The following DHDDS variants were observed in gnomAD, a reference collection of about 807,000 sequenced individuals.
DHDDS encodes dehydrodolichyl diphosphate synthase complex subunit DHDDS.
Under a neutral mutation model 46.2 loss-of-function variants are expected in DHDDS, and 16 were observed. That is an observed-to-expected ratio of 0.35 (90% CI 0.23 to 0.53). The LOEUF (loss-of-function observed/expected upper bound fraction) is 0.53, where lower values mean the gene tolerates loss of function less well. Ranked by LOEUF, DHDDS falls within the 20% of genes least tolerant of loss-of-function variation. The probability of loss-of-function intolerance (pLI) is 0.94; values close to 1 mark genes in which losing one functional copy is unlikely to be tolerated. For synonymous variants in DHDDS, 151 were observed against 163.1 expected (o/e 0.93, Z 0.56); for missense variants, 340 against 423.7 (o/e 0.80, Z 1.73).
intron 6 of DHDDS, among the ~76,000 whole-genome samples, chr1:26,454,315 A>G (rs923217966): frequency 6.6e-6 from 1 of 152,044 alleles, no homozygotes; most frequent in Non-Finnish European, 1.5e-5. Flanking sequence ...CACTGGCACA[A>G]TATCAGCTTT....
rs71581065 is a variant in DHDDS, at chr1:26,441,895, TAA to T, written c.181-818_181-817del. Among the ~76,000 whole-genome samples, 650 of 123,798 alleles carry T rather than the reference TAA, an allele frequency of 5.3e-3. 2 individuals carry two copies. Among genetic ancestry groups the T allele is most frequent in the African/African-American group, 0.017 (569 of 32,672 alleles). 81.2% of individuals were successfully genotyped at this position (123,798 alleles called of 152,430 possible). On this transcript the variant is annotated intron_variant, in intron 3 of 8. Transcript: ENST00000236342. ...TGGGTGACAGAGCAAGACTCCAGCT[TAA>T]AAAAAAAAAAAAAAAAAGATGTAGG...
intron 2 of DHDDS, among the ~76,000 whole-genome samples, chr1:26,435,526 C>T (rs940588047): frequency 2.0e-5 from 3 of 150,542 alleles, no homozygotes; most frequent in Non-Finnish European, 3.0e-5. Context: ...CAACCTCTGC[C>T]TCCCGGGTTC....
intron 8 of DHDDS, chr1:26,467,583 T>C: frequency 3.3e-6 from 1 of 302,776 alleles, no homozygotes; most frequent in Non-Finnish European, 7.0e-6. Context: ...CACAGCTCCA[T>C]TGTGAGGGTC....
chr1:26,435,215 T>C (rs2075141986), intron 2 of DHDDS, among the ~76,000 whole-genome samples: 1 of 151,568 alleles, frequency 6.6e-6, no homozygotes, highest in South Asian at 2.1e-4. Flanking sequence ...TTTCACCATT[T>C]TGGCCAGGCT....
At position 26,446,687 on chromosome 1, in the gene DHDDS, A is replaced by AGTGTGT. The variant is rs138481581; in HGVS notation, c.440+271_440+276dup. 2.6e-3 allele frequency among the ~76,000 whole-genome samples: 393 copies of AGTGTGT among 149,106 alleles called. 1 individual carries two copies. The highest frequency in any genetic ancestry group is 7.3e-3 in the African/African-American group (297 of 40,758). On this transcript the variant is annotated intron_variant, in intron 5 of 8. Transcript: ENST00000236342. ...TTCTCTGCCCAGCCCCCACCAAATA[A>AGTGTGT]GTGTGTGTGTGTGTGTGTGTGGGTG... is the stretch of plus-strand genomic sequence containing the variant.
At chr1:26,447,717 GGC>G in intron 6 of DHDDS, 57 bp downstream of exon 6, 1 of 1,480,160 alleles carries the variant, frequency 6.8e-7, no homozygotes, top group Admixed American at 1.7e-5. Context: ...GGGCCAGCAT[GGC>G]AGCTCACGCC....
intron 3 of DHDDS, among the ~76,000 whole-genome samples, chr1:26,440,818 C>A (rs963581666): frequency 2.0e-5 from 3 of 152,130 alleles, no homozygotes; most frequent in Admixed American, 1.3e-4. Flanking sequence ...CTGTTGTCTA[C>A]GTTTAACCTC....
In DHDDS at chr1:26,470,936, AAT is replaced by A. The variant is rs1231170602; in HGVS notation, c.*1808_*1809del. 6.6e-6 allele frequency: 1 copy of A among 152,562 alleles called. No individual in the cohort carries two copies. The highest frequency in any genetic ancestry group is 1.5e-5 in the Non-Finnish European group (1 of 68,118). The allele number at this position is 152,562 out of a possible 1,614,324, so 9.5% of individuals were successfully genotyped here. A position where few individuals can be genotyped will look rare whatever the true frequency, so the allele number is the denominator to read the frequency against. On this transcript the variant is annotated 3_prime_UTR_variant, in exon 9 of 9. Transcript: ENST00000236342. ...CTGTCTCCTGGGTCTGACTTTCCGT[AAT>A]ATGATTGGGGTACAGTAGAGGTGAT...
intron 3 of DHDDS, among the ~76,000 whole-genome samples, chr1:26,441,158 C>T (rs1181050053): frequency 1.3e-5 from 2 of 151,848 alleles, no homozygotes; most frequent in Non-Finnish European, 2.9e-5. Context: ...CTCCTGACCT[C>T]GTGATCCGCC....
intron 6 of DHDDS, among the ~76,000 whole-genome samples, chr1:26,452,318 C>A (rs565859717): frequency 1.3e-5 from 2 of 152,304 alleles, no homozygotes; most frequent in South Asian, 4.1e-4. Context: ...GCTGGGATTA[C>A]AGGTTTGAAC....
At chr1:26,441,053 T>G (rs979755307) in intron 3 of DHDDS, among the ~76,000 whole-genome samples, 4 of 151,820 alleles carry the variant, frequency 2.6e-5, no homozygotes, top group Non-Finnish European at 4.4e-5. Flanking sequence ...GCCTCCTGAG[T>G]AACTGGGATT....
At position 26,460,024 on chromosome 1, in the gene DHDDS, C is replaced by T. The variant is rs2075406556; in HGVS notation, c.658-13C>T. On this transcript the variant is annotated splice_polypyrimidine_tract_variant and intron_variant, in intron 7 of 8. Transcript: ENST00000236342. ...ATGTTACTAAATCATACTCTCCTCCCTACCTTTCCCAGACCTCTCACTCCT... is the reference window on the plus strand; with the variant it reads ...ATGTTACTAAATCATACTCTCCTCCTTACCTTTCCCAGACCTCTCACTCCT... 1.2e-6 allele frequency: 2 copies of T among 1,607,274 alleles called. No individual in the cohort carries two copies. Among genetic ancestry groups the T allele is most frequent in the Non-Finnish European group, 1.7e-6 (2 of 1,173,776 alleles).
chr1:26,442,648 T>G (rs1311253946), intron 3 of DHDDS, 83 bp from the exon 4 acceptor site: 2 of 1,564,570 alleles, frequency 1.3e-6, no homozygotes, highest in African/African-American at 2.7e-5. Context: ...TATCTCCAAC[T>G]CTGAGTCAGG....
intron 8 of DHDDS, 50 bp from the exon 9 acceptor site, chr1:26,468,845 C>T: frequency 6.2e-7 from 1 of 1,609,938 alleles, no homozygotes; most frequent in South Asian, 1.1e-5. Context: ...CCAGTTTCAC[C>T]CACTCCTAAA....
intron 6 of DHDDS, among the ~76,000 whole-genome samples, chr1:26,452,986 G>A: frequency 6.6e-6 from 1 of 151,998 alleles, no homozygotes; most frequent in East Asian, 1.9e-4. Context: ...TAGCTACTTG[G>A]GAGGCTGAGT....
Position 26,446,387 on chromosome 1 carries a change from A to G in DHDDS, c.395A>G (p.Gln132Arg). 6.2e-7 allele frequency: 1 copy of G among 1,614,052 alleles called. No homozygotes were observed. Among genetic ancestry groups the G allele is most frequent in the East Asian group, 2.2e-5 (1 of 44,884 alleles). The change falls in exon 5 of 9, where the codon CAG (glutamine) becomes CGG (arginine). Residue 132 changes from glutamine to arginine, a missense_variant. By Grantham distance (43) the Gln-to-Arg change is conservative. This residue lies in a region of DHDDS where 268 missense variants were observed against 300.3 expected (regional missense o/e 0.89). Transcript: ENST00000236342. ...CTGCACTTGTTGCCCTTGGATCTCC[A>G]GGAGCTGATTGCACAAGCTGTACAG... is the stretch of plus-strand genomic sequence containing the variant. ...GDLHLLPLDL[Q>R]ELIAQAVQAT...
chr1:26,443,802 G>T (rs932861309), intron 4 of DHDDS, among the ~76,000 whole-genome samples: 1 of 152,194 alleles, frequency 6.6e-6, no homozygotes, highest in Non-Finnish European at 1.5e-5. Context: ...CACCTAAGGA[G>T]CCGGGGATGG....
At chr1:26,445,395 G>T (rs920470908) in intron 4 of DHDDS, among the ~76,000 whole-genome samples, 1 of 152,198 alleles carries the variant, frequency 6.6e-6, no homozygotes, top group Non-Finnish European at 1.5e-5. Context: ...AAGGACACAT[G>T]AGGTCGTGTA....
chr1:26,455,970 T>C (rs2075366597), intron 6 of DHDDS, among the ~76,000 whole-genome samples: 1 of 152,188 alleles, frequency 6.6e-6, no homozygotes, highest in African/African-American at 2.4e-5. Flanking sequence ...AACAGCATTC[T>C]TGGAGCCAAC....
Sources: allele counts gnomAD v4.1 joint callset (sites outside exome capture counted in the v4.1 genomes callset), GRCh38; gene constraint gnomAD v4.1.1; regional missense constraint gnomAD v4.1.1; transcripts MANE v1.5; gene names NCBI Gene and HGNC (gene_info 2026-07-23, HGNC 2026-07-21).